Variants in SLC23A2 observed in about 807,000 individuals in gnomAD.
SLC23A2 encodes solute carrier family 23 member 2.
A neutral mutation model predicts 73.3 loss-of-function variants in SLC23A2; 36 were observed. The ratio of observed to expected loss-of-function variants is 0.49; its 90% confidence interval spans 0.38 to 0.65. The LOEUF (loss-of-function observed/expected upper bound fraction) is 0.65. SLC23A2 is among the 30% of genes least tolerant of loss of function. The pLI is 0.00. For missense variants in SLC23A2, 507 were observed against 841.6 expected (o/e 0.60, Z 4.92); for synonymous variants, 343 against 327.3 (o/e 1.05, Z -0.52).
At chr20:4,930,429 T>G (rs1932776439) in intron 3 of SLC23A2, among the ~76,000 whole-genome samples, 1 of 152,224 alleles carries the variant, frequency 6.6e-6, no homozygotes, top group South Asian at 2.1e-4. Flanking sequence ...TAATGCCAGT[T>G]GTAAAATTAG....
In SLC23A2 at chr20:4,863,627, G is replaced by A. The variant is rs1218875207; in HGVS notation, c.1357-720C>T. 3.3e-5 allele frequency among the ~76,000 whole-genome samples: 5 copies of A among 152,188 alleles called. No individual in the cohort carries two copies. Among genetic ancestry groups the A allele is most frequent in the East Asian group, 1.9e-4 (1 of 5,180 alleles). ...TCCTGCACCCATTCCATGGGGCCAC[G>A]GGGTCACCTTTCTAACACATGAAAT... On this transcript the variant is annotated intron_variant, in intron 13 of 16. Transcript: ENST00000338244. This position sits in a 1 kb window ranked among gnomAD's most constrained non-coding sequence, Gnocchi z 4.8.
intron 6 of SLC23A2, 60 bp from the exon 7 acceptor site, chr20:4,885,969 T>C: frequency 9.4e-7 from 1 of 1,065,644 alleles, no homozygotes; most frequent in Non-Finnish European, 1.4e-6. Flanking sequence ...GGTAGTTCAC[T>C]ATTTGACAGC....
intron 2 of SLC23A2, among the ~76,000 whole-genome samples, chr20:4,952,377 C>T (rs2087217205): frequency 6.6e-6 from 1 of 152,100 alleles, no homozygotes; most frequent in Non-Finnish European, 1.5e-5. Flanking sequence ...CTGGGTTGTC[C>T]ACAGCAGTAT....
intron 1 of SLC23A2, among the ~76,000 whole-genome samples, chr20:4,977,379 A>T (rs73599400): frequency 0.014 from 2,056 of 151,166 alleles, 45 homozygotes; most frequent in African/African-American, 0.046. Flanking sequence ...TATTATTATT[A>T]TTTTTTTTTA....
At chr20:4,875,493 C>T (rs1198244149) in intron 9 of SLC23A2, among the ~76,000 whole-genome samples, 1 of 152,190 alleles carries the variant, frequency 6.6e-6, no homozygotes, top group Non-Finnish European at 1.5e-5. Context: ...ATGGCTTGAA[C>T]TGAACTCTTT....
intron 10 of SLC23A2, 114 bp downstream of exon 10, chr20:4,874,462 C>G: frequency 1.0e-6 from 1 of 958,784 alleles, no homozygotes; most frequent in East Asian, 2.4e-5. Context: ...CCTGGTCTCA[C>G]TGCACAGATA....
At chr20:4,919,540 A>G (rs1932435614) in intron 3 of SLC23A2, among the ~76,000 whole-genome samples, 1 of 152,160 alleles carries the variant, frequency 6.6e-6, no homozygotes, top group South Asian at 2.1e-4. Flanking sequence ...CAAGGTCCAC[A>G]CTGAAACACT....
chr20:4,994,612 G>A (rs371270852), intron 1 of SLC23A2, among the ~76,000 whole-genome samples: 19 of 151,622 alleles, frequency 1.3e-4, no homozygotes, highest in Admixed American at 3.9e-4. Context: ...GTGAAACCCC[G>A]TCTCTACTAA....
intron 3 of SLC23A2, 90 bp from the exon 4 acceptor site, chr20:4,913,068 T>C: frequency 6.1e-6 from 5 of 820,100 alleles, no homozygotes; most frequent in Non-Finnish European, 1.0e-5. Context: ...GGTGAGTGCA[T>C]GACCAGGCAT....
Position 4,883,888 on chromosome 20 carries a change from C to T in SLC23A2, c.643-65G>A. ...TGTACACTGCACACTCAGAATGTCACCTACAACCACAACTGATAATTCTGC... is the reference window on the plus strand; with the variant it reads ...TGTACACTGCACACTCAGAATGTCATCTACAACCACAACTGATAATTCTGC... On this transcript the variant is annotated intron_variant, in intron 8 of 16. Transcript: ENST00000338244. The surrounding 1 kb of genome is among the most constrained non-coding windows in gnomAD (Gnocchi z 4.5). 1 of 1,090,388 alleles carries T rather than the reference C, an allele frequency of 9.2e-7. No individual in the cohort carries two copies. The highest frequency in any genetic ancestry group is 1.3e-6 in the Non-Finnish European group (1 of 764,834). The allele number at this position is 1,090,388 out of a possible 1,614,324, so 67.5% of individuals were successfully genotyped here.
chr20:4,984,942 T>C (rs542988186), intron 1 of SLC23A2, among the ~76,000 whole-genome samples: 76 of 152,160 alleles, frequency 5.0e-4, no homozygotes, highest in African/African-American at 1.8e-3. Flanking sequence ...ATCGAGACCG[T>C]CCTGGCCAAC....
At chr20:4,938,522 G>C (rs1824122818) in intron 2 of SLC23A2, among the ~76,000 whole-genome samples, 1 of 151,828 alleles carries the variant, frequency 6.6e-6, no homozygotes, top group South Asian at 2.1e-4. Flanking sequence ...ATTTTTAGTA[G>C]ATGTTGGCCA....
At chr20:4,988,208 A>G (rs1242826716) in intron 1 of SLC23A2, among the ~76,000 whole-genome samples, 1 of 152,086 alleles carries the variant, frequency 6.6e-6, no homozygotes, top group African/African-American at 2.4e-5. Flanking sequence ...AGGCTGAGGC[A>G]GGAGAATTGC....
chr20:4,879,548 A>T (rs943741798), intron 9 of SLC23A2, among the ~76,000 whole-genome samples: 3 of 151,984 alleles, frequency 2.0e-5, no homozygotes, highest in African/African-American at 7.3e-5. Flanking sequence ...TTATTAATAA[A>T]ATCTACCCTG....
chr20:4,876,477 G>C (rs1930657675), intron 9 of SLC23A2, among the ~76,000 whole-genome samples: 1 of 152,050 alleles, frequency 6.6e-6, no homozygotes, highest in Non-Finnish European at 1.5e-5. Flanking sequence ...AAATACACCT[G>C]GGGGCAGGCA....
chr20:4,888,630 C>A (rs1931196495), intron 6 of SLC23A2, among the ~76,000 whole-genome samples: 2 of 152,162 alleles, frequency 1.3e-5, no homozygotes, highest in Admixed American at 1.3e-4. Context: ...CAGCTTGGTG[C>A]CCAGGTAACC....
At chr20:4,892,503 T>C (rs533874950) in intron 6 of SLC23A2, among the ~76,000 whole-genome samples, 1 of 152,298 alleles carries the variant, frequency 6.6e-6, no homozygotes, top group South Asian at 2.1e-4. Flanking sequence ...CCCATATTAA[T>C]GTATGATTTT....
intron 6 of SLC23A2, among the ~76,000 whole-genome samples, chr20:4,894,783 C>T (rs1456042270): frequency 2.0e-5 from 3 of 151,236 alleles, no homozygotes; most frequent in African/African-American, 7.3e-5. Flanking sequence ...TTCACTGTGT[C>T]TTCTGCAAAG....
At chr20:4,958,602 A>G (rs1051115475) in intron 2 of SLC23A2, among the ~76,000 whole-genome samples, 1 of 151,152 alleles carries the variant, frequency 6.6e-6, no homozygotes, top group African/African-American at 2.4e-5. Flanking sequence ...TAATTTTTGT[A>G]TTTTTGGTAG....
Sources: gnomAD v4.1 joint callset for allele counts (sites outside exome capture counted in the v4.1 genomes callset) on GRCh38, gnomAD v4.1.1 for gene constraint, Gnocchi (gnomAD v3.1) non-coding constraint, MANE v1.5 for transcripts, NCBI Gene and HGNC (gene_info 2026-07-23, HGNC 2026-07-21) for gene names.